The following EPHB2 variants were observed in gnomAD, a reference collection of about 807,000 sequenced individuals.
The protein encoded by EPHB2 is EPH receptor B2, also known as ephrin type-B receptor 2.
In EPHB2, 18 loss-of-function variants were observed where a neutral mutation model predicts 96.4. The ratio of observed to expected loss-of-function variants is 0.19; its 90% CI spans 0.13 to 0.28. The LOEUF (loss-of-function observed/expected upper bound fraction) is 0.28. Ranked by LOEUF, EPHB2 falls within the 10% of genes least tolerant of loss-of-function variation. The probability of loss-of-function intolerance (pLI) is 1.00; values close to 1 mark genes in which losing one functional copy is unlikely to be tolerated. For synonymous variants in EPHB2, 506 were observed against 534.1 expected (o/e 0.95, Z 0.72); for missense variants, 989 against 1,355.4 (o/e 0.73, Z 4.25).
intron 6 of EPHB2, among the ~76,000 whole-genome samples, chr1:22,892,504 T>G (rs1323961241): frequency 6.6e-6 from 1 of 152,170 alleles, no homozygotes; most frequent in Non-Finnish European, 1.5e-5. Flanking sequence ...CTCCTCCTGT[T>G]TCTCATGCTG....
At chr1:22,770,543 C>T (rs1234238522) in intron 1 of EPHB2, among the ~76,000 whole-genome samples, 1 of 152,176 alleles carries the variant, frequency 6.6e-6, no homozygotes, top group East Asian at 1.9e-4. Flanking sequence ...ATTTACACTC[C>T]ATTCACATGC....
At chr1:22,837,943 C>T (rs1274133359) in intron 3 of EPHB2, among the ~76,000 whole-genome samples, 1 of 151,656 alleles carries the variant, frequency 6.6e-6, no homozygotes, top group Non-Finnish European at 1.5e-5. Context: ...AAAGAGGTGA[C>T]CCAAGGTGGG....
rs1277138247 is a variant in EPHB2 at position 22,845,846 on chromosome 1, TC to T, written c.812-17190del. On this transcript the variant is annotated intron_variant, in intron 3 of 15. Coordinates refer to ENST00000374630, the MANE Select transcript of EPHB2 (RefSeq NM_017449.5). ...AAGGTGATTGCTCTAAATGGCCATGTCTAGGCAATTTGTCATAAAGTCTCCC... is the reference window on the plus strand; with the variant it reads ...AAGGTGATTGCTCTAAATGGCCATGTTAGGCAATTTGTCATAAAGTCTCCC... Among the ~76,000 whole-genome samples, 3 of 152,200 alleles carry T rather than the reference TC, an allele frequency of 2.0e-5. No individual in the cohort carries two copies. In the East Asian group the frequency reaches 5.8e-4, roughly 29 times the overall value.
intron 1 of EPHB2, among the ~76,000 whole-genome samples, chr1:22,719,311 G>A (rs747874851): frequency 7.2e-5 from 11 of 152,242 alleles, no homozygotes; most frequent in East Asian, 3.9e-4. Context: ...AGCCAGCAGC[G>A]GGACCAAGCT....
At position 22,909,102 on chromosome 1, in the gene EPHB2, C is replaced by T. The variant is rs2124120105; in HGVS notation, c.2433C>T (p.Ser811=). The change falls in exon 13 of 16, where the codon AGC becomes AGT. Residue 811 remains serine (S), a synonymous_variant. Coordinates refer to ENST00000374630, the MANE Select transcript of EPHB2 (RefSeq NM_017449.5). The part of the protein sequence containing the change: ...RKFTSASDVW[S]YGIVMWEVMS... ...TCACCTCGGCCAGTGATGTGTGGAG[C>T]TACGGCATTGTCATGTGGGAGGTGA... The T allele has an allele frequency of 6.2e-7, 1 of 1,614,202 alleles. No homozygotes were observed. The highest frequency in any genetic ancestry group is 8.5e-7 in the Non-Finnish European group (1 of 1,180,032).
At chr1:22,761,756 C>T (rs922702986) in intron 1 of EPHB2, among the ~76,000 whole-genome samples, 1 of 152,224 alleles carries the variant, frequency 6.6e-6, no homozygotes, top group African/African-American at 2.4e-5. Context: ...TTGAAGCCTC[C>T]TCCCCGGCTC....
In EPHB2 at chr1:22,883,179, G is replaced by A. The variant is rs1034905902; in HGVS notation, c.1428+696G>A. On this transcript the variant is annotated intron_variant, in intron 6 of 15. Coordinates refer to ENST00000374630, the MANE Select transcript of EPHB2 (RefSeq NM_017449.5). ...GTGTCGAGTGTGGGTGAGACCCCTC[G>A]CGGGGAGCTATGCAGGTTACGGAGA... is the stretch of plus-strand genomic sequence containing the variant. 1.6e-4 allele frequency among the ~76,000 whole-genome samples: 24 copies of A among 152,338 alleles called. No homozygotes were observed. In the East Asian group the frequency reaches 2.9e-3, roughly 18 times the overall value.
Position 22,751,187 on chromosome 1 carries a change from C to G in EPHB2, c.62-30234C>G, listed in dbSNP as rs537490727. Among the ~76,000 whole-genome samples the G allele has an allele frequency of 3.9e-5, 6 of 152,306 alleles. 1 individual carries two copies. Among genetic ancestry groups the G allele is most frequent in the African/African-American group, 1.4e-4 (6 of 41,568 alleles). ...CCTTCATTTGGTGGAGGGGGATGCT[C>G]TGAAGAACAGAGAGGGGATGGGACC... On this transcript the variant is annotated intron_variant, in intron 1 of 15. Transcript: ENST00000374630.
At chr1:22,852,607 G>A (rs1040465968) in intron 3 of EPHB2, among the ~76,000 whole-genome samples, 5 of 152,162 alleles carry the variant, frequency 3.3e-5, no homozygotes, top group African/African-American at 1.2e-4. Context: ...GGGGGTCCAG[G>A]GGCTGGGAGA....
chr1:22,904,292 C>CAAA (rs3053666), intron 9 of EPHB2, among the ~76,000 whole-genome samples: 61,723 of 129,080 alleles, frequency 0.48, 14,476 homozygotes, highest in Non-Finnish European at 0.56. Context: ...GAACCTGTCT[C>CAAA]AAAAAAAAAA....
At chr1:22,800,753 G>A (rs1644830906) in intron 3 of EPHB2, among the ~76,000 whole-genome samples, 1 of 142,262 alleles carries the variant, frequency 7.0e-6, no homozygotes, top group Non-Finnish European at 1.5e-5. Context: ...AATTTGTGGA[G>A]TGTGTGCGTG....
At chr1:22,851,209 A>G (rs1318500525) in intron 3 of EPHB2, among the ~76,000 whole-genome samples, 1 of 152,084 alleles carries the variant, frequency 6.6e-6, no homozygotes, top group Non-Finnish European at 1.5e-5. Context: ...TGTTGCTCAG[A>G]CTGGTCTCAA....
intron 3 of EPHB2, among the ~76,000 whole-genome samples, chr1:22,825,551 C>T (rs922502856): frequency 6.6e-6 from 1 of 152,202 alleles, no homozygotes; most frequent in Admixed American, 6.5e-5. Context: ...TCACTCCCAT[C>T]CATAAGTTGG....
chr1:22,833,378 A>G (rs1323841482), intron 3 of EPHB2, among the ~76,000 whole-genome samples: 1 of 152,104 alleles, frequency 6.6e-6, no homozygotes, highest in African/African-American at 2.4e-5. Flanking sequence ...TCGGCCTCCC[A>G]AAGTGCTGGG....
chr1:22,898,734 C>T (rs554536641), intron 9 of EPHB2, among the ~76,000 whole-genome samples: 1 of 152,210 alleles, frequency 6.6e-6, no homozygotes, highest in South Asian at 2.1e-4. Flanking sequence ...TGATGGTGGC[C>T]AGACCGAGTG....
intron 1 of EPHB2, among the ~76,000 whole-genome samples, chr1:22,730,335 A>G (rs1004536745): frequency 7.9e-5 from 12 of 152,174 alleles, no homozygotes; most frequent in African/African-American, 2.9e-4. Context: ...TCTTGTGGGC[A>G]CTTGGGTGGG....
At chr1:22,763,539 C>T (rs530840327) in intron 1 of EPHB2, among the ~76,000 whole-genome samples, 5 of 152,188 alleles carry the variant, frequency 3.3e-5, no homozygotes, top group Non-Finnish European at 7.4e-5. Flanking sequence ...GCCCTCCCCC[C>T]CACTTCAAAT....
At chr1:22,757,140 C>A (rs116839039) in intron 1 of EPHB2, among the ~76,000 whole-genome samples, 2,470 of 151,698 alleles carry the variant, frequency 0.016, 62 homozygotes, top group African/African-American at 0.05. Context: ...TGGGAGAGGG[C>A]CTTTGTGTTT....
intron 1 of EPHB2, among the ~76,000 whole-genome samples, chr1:22,770,373 G>A (rs1051384846): frequency 2.0e-5 from 3 of 152,144 alleles, no homozygotes; most frequent in Non-Finnish European, 4.4e-5. Context: ...GGGTGGTCTG[G>A]GTTCTGGGAT....
Sources: allele counts gnomAD v4.1 joint callset (sites outside exome capture counted in the v4.1 genomes callset), GRCh38; gene constraint gnomAD v4.1.1; transcripts MANE v1.5; gene names NCBI Gene and HGNC (gene_info 2026-07-23, HGNC 2026-07-21).